Variants in PDE11A observed in about 807,000 individuals in gnomAD.
PDE11A encodes phosphodiesterase 11A.
PDE11A carries 100 observed loss-of-function variants against 100.5 expected under a neutral mutation model. The ratio of observed to expected loss-of-function variants is 1.00; its 90% CI spans 0.85 to 1.18. The LOEUF (loss-of-function observed/expected upper bound fraction) is 1.18. Among genes scored for constraint, PDE11A ranks in the 50% most tolerant of loss-of-function variants. The probability of loss-of-function intolerance (pLI) is 0.00; values close to 1 mark genes in which losing one functional copy is unlikely to be tolerated. For synonymous variants in PDE11A, 381 were observed against 420.8 expected, an observed-to-expected ratio of 0.91 and a Z score of 1.16; for missense variants, 1,141 against 1,152.6, an observed-to-expected ratio of 0.99 and a Z score of 0.15.
At chr2:177,662,553 T>C (rs958748694) in intron 19 of PDE11A, among the ~76,000 whole-genome samples, 2 of 152,196 alleles carry the variant, frequency 1.3e-5, no homozygotes, top group Non-Finnish European at 2.9e-5. Flanking sequence ...GGACTGCTTA[T>C]TCGGAGACAC....
At chr2:177,633,221 C>A (rs1272559807) in intron 19 of PDE11A, among the ~76,000 whole-genome samples, 1 of 152,202 alleles carries the variant, frequency 6.6e-6, no homozygotes, top group African/African-American at 2.4e-5. Flanking sequence ...ATCATTAAAC[C>A]ACTATGATTT....
At position 177,626,039 on chromosome 2, in the gene PDE11A, T is replaced by A. The variant is rs1470562609; in HGVS notation, c.*3368A>T. 6.6e-6 allele frequency: 1 copy of A among 152,532 alleles called. No individual in the cohort carries two copies. The highest frequency in any genetic ancestry group is 1.5e-5 in the Non-Finnish European group (1 of 68,038). The allele number at this position is 152,532 out of a possible 1,614,324, so 9.4% of individuals were successfully genotyped here. On this transcript the variant is annotated 3_prime_UTR_variant, in exon 20 of 20. Coordinates refer to ENST00000286063, the MANE Select transcript of PDE11A (RefSeq NM_016953.4). ...GATTGATGGTTGACATTGTCAGGGC[T>A]CCACTGTATGGCAGATTGCAATGGT...
chr2:178,003,816 A>G (rs1368718952), intron 2 of PDE11A, among the ~76,000 whole-genome samples: 2 of 152,210 alleles, frequency 1.3e-5, no homozygotes, highest in African/African-American at 4.8e-5. Flanking sequence ...AAAACTGCAG[A>G]TATCGGATCA....
intron 2 of PDE11A, among the ~76,000 whole-genome samples, chr2:178,093,614 T>C (rs2087450675): frequency 6.6e-6 from 1 of 152,186 alleles, no homozygotes; most frequent in African/African-American, 2.4e-5. Flanking sequence ...TTATAATTGT[T>C]ATAATTAGAA....
At chr2:177,713,291 G>A (rs947328468) in intron 12 of PDE11A, among the ~76,000 whole-genome samples, 3 of 152,180 alleles carry the variant, frequency 2.0e-5, no homozygotes, top group Non-Finnish European at 4.4e-5. Flanking sequence ...TTATAGGTGT[G>A]AGCCTCCACG....
intron 5 of PDE11A, among the ~76,000 whole-genome samples, chr2:177,869,414 G>T (rs2084087144): frequency 6.6e-6 from 1 of 152,100 alleles, no homozygotes; most frequent in Non-Finnish European, 1.5e-5. Flanking sequence ...CTTGACATTT[G>T]GCCCTGTCTA....
intron 2 of PDE11A, among the ~76,000 whole-genome samples, chr2:177,922,448 TA>T (rs1299263029): frequency 2.0e-5 from 3 of 151,600 alleles, no homozygotes; most frequent in Non-Finnish European, 2.9e-5. Context: ...ATAATAAAAT[TA>T]AAAAAAGAAT....
intron 19 of PDE11A, among the ~76,000 whole-genome samples, chr2:177,648,615 GAAT>G (rs2080258753): frequency 6.6e-6 from 1 of 151,862 alleles, no homozygotes; most frequent in Admixed American, 6.6e-5. Flanking sequence ...TATTGAAAAA[GAAT>G]AATAAGGAAG....
intron 2 of PDE11A, among the ~76,000 whole-genome samples, chr2:177,978,983 C>T (rs1307470581): frequency 1.2e-3 from 152 of 125,960 alleles, no homozygotes; most frequent in African/African-American, 3.8e-3. Context: ...TGCTAGATGA[C>T]ACATTAGTGG....
intron 2 of PDE11A, among the ~76,000 whole-genome samples, chr2:177,935,243 G>A (rs927672442): frequency 6.6e-6 from 1 of 151,970 alleles, no homozygotes; most frequent in African/African-American, 2.4e-5. Context: ...ATTACTCATG[G>A]CCCTCCACCT....
chr2:178,027,195 T>C (rs2086488896), intron 1 of PDE11A, among the ~76,000 whole-genome samples: 1 of 152,178 alleles, frequency 6.6e-6, no homozygotes, highest in African/African-American at 2.4e-5. Context: ...TCTAGGAATT[T>C]ATGATAAGGA....
chr2:177,717,110 A>G (rs1419077662), intron 12 of PDE11A, among the ~76,000 whole-genome samples: 2 of 152,148 alleles, frequency 1.3e-5, no homozygotes, highest in Non-Finnish European at 2.9e-5. Flanking sequence ...AGATCCTCGG[A>G]GTAGAGAATC....
At chr2:177,991,465 C>A (rs1024954599) in intron 2 of PDE11A, among the ~76,000 whole-genome samples, 2 of 150,840 alleles carry the variant, frequency 1.3e-5, no homozygotes, top group African/African-American at 4.9e-5. Context: ...GAAACCCCAT[C>A]TCTACTAAAA....
chr2:177,762,440 G>A (rs147856403), intron 10 of PDE11A, among the ~76,000 whole-genome samples: 2 of 152,336 alleles, frequency 1.3e-5, no homozygotes, highest in African/African-American at 4.8e-5. Context: ...ATGCGCTAGT[G>A]TTCTGGAAGG....
chr2:177,778,797 G>T (rs919555156), intron 9 of PDE11A, among the ~76,000 whole-genome samples: 4 of 152,158 alleles, frequency 2.6e-5, no homozygotes, highest in African/African-American at 7.2e-5. Context: ...TTGAAACTGA[G>T]AAATCATCAG....
At chr2:177,734,312 A>G (rs1379579427) in intron 10 of PDE11A, among the ~76,000 whole-genome samples, 3 of 152,174 alleles carry the variant, frequency 2.0e-5, no homozygotes, top group Non-Finnish European at 2.9e-5. Context: ...CTGAAAAAAT[A>G]ACTTGTCTTC....
chr2:177,844,551 A>G (rs538823150), intron 5 of PDE11A, among the ~76,000 whole-genome samples: 1 of 148,222 alleles, frequency 6.7e-6, no homozygotes, highest in African/African-American at 2.5e-5. Context: ...TAATTTATTT[A>G]TTTTTTATTG....
At chr2:177,675,564 C>G (rs769465504) in intron 16 of PDE11A, 46 bp from the exon 17 acceptor site, 1 of 1,437,806 alleles carries the variant, frequency 7.0e-7, no homozygotes, top group East Asian at 2.3e-5. Flanking sequence ...TCTTTTGTTG[C>G]ATTCCTAAAC....
intron 1 of PDE11A, among the ~76,000 whole-genome samples, chr2:178,040,145 A>G (rs542116352): frequency 3.3e-5 from 5 of 149,688 alleles, no homozygotes; most frequent in Admixed American, 2.7e-4. Flanking sequence ...GCTCACTGCA[A>G]CCTCCACCTT....
Sources: allele counts gnomAD v4.1 joint callset (sites outside exome capture counted in the v4.1 genomes callset), GRCh38; gene constraint gnomAD v4.1.1; transcripts MANE v1.5; gene names NCBI Gene and HGNC (gene_info 2026-07-23, HGNC 2026-07-21).